Variants in HYDIN observed in about 807,000 individuals in gnomAD.
HYDIN encodes axonemal central pair apparatus protein HYDIN.
Under a neutral mutation model 403.9 loss-of-function variants are expected in HYDIN, and 132 were observed. The observed-to-expected ratio is 0.33, with a 90% CI of 0.28 to 0.38. HYDIN has a LOEUF of 0.38. Among genes scored for constraint, HYDIN ranks in the 10% least tolerant of loss-of-function variants. The pLI is 1.00. For missense variants in HYDIN, 2,827 were observed against 5,009.5 expected, an observed-to-expected ratio of 0.56 and a Z score of 13.15; for synonymous variants, 1,202 against 1,891.7, an observed-to-expected ratio of 0.64 and a Z score of 9.46.
At position 71,028,566 on chromosome 16, in the gene HYDIN, AT is replaced by A. The variant is rs61039757; in HGVS notation, c.2769-692del. 7.5e-3 allele frequency among the ~76,000 whole-genome samples: 1,097 copies of A among 146,976 alleles called. 3 individuals carry two copies. The highest frequency in any genetic ancestry group is 0.02 in the African/African-American group (791 of 40,494). ...TCAAATGTGTTTTTGTTTGTTTGGG[AT>A]TTTTTTTTTTCCCCACAGGCTTACT... On this transcript the variant is annotated intron_variant, in intron 19 of 85. Transcript: ENST00000393567.
At chr16:71,172,956 C>T (rs891122404) in intron 5 of HYDIN, among the ~76,000 whole-genome samples, 3 of 152,152 alleles carry the variant, frequency 2.0e-5, no homozygotes, top group Admixed American at 1.3e-4. Context: ...TGGAGCAGCC[C>T]GAAAGACAGC....
chr16:71,215,706 G>T (rs2088842634), intron 1 of HYDIN, among the ~76,000 whole-genome samples: 1 of 151,474 alleles, frequency 6.6e-6, no homozygotes, highest in Admixed American at 6.6e-5. Context: ...TCTCAAAATG[G>T]GAAAAGGTAC....
intron 19 of HYDIN, among the ~76,000 whole-genome samples, chr16:71,028,229 A>G (rs1445366283): frequency 1.3e-5 from 2 of 152,108 alleles, no homozygotes; most frequent in African/African-American, 4.8e-5. Context: ...GCGAGTTTCA[A>G]GCTGTGCTGA....
intron 9 of HYDIN, among the ~76,000 whole-genome samples, chr16:71,125,807 C>G (rs1407491699): frequency 2.0e-5 from 3 of 152,306 alleles, no homozygotes; most frequent in African/African-American, 4.8e-5. Context: ...CCATTTCCTT[C>G]CTTTCTGACC....
At chr16:71,136,844 T>C (rs1189773286) in intron 8 of HYDIN, among the ~76,000 whole-genome samples, 17 of 143,198 alleles carry the variant, frequency 1.2e-4, no homozygotes, top group Non-Finnish European at 2.6e-4. Context: ...TAGAGACAGG[T>C]AGACTTGTTT....
intron 23 of HYDIN, among the ~76,000 whole-genome samples, chr16:70,999,016 T>C (rs1488310265): frequency 6.6e-6 from 1 of 152,208 alleles, no homozygotes; most frequent in African/African-American, 2.4e-5. Flanking sequence ...CACAGAATAC[T>C]TCCAACTGGT....
chr16:70,837,631 A>G (rs1471800829), intron 77 of HYDIN, 59 bp downstream of exon 77: 70 of 1,599,550 alleles, frequency 4.4e-5, no homozygotes, highest in Non-Finnish European at 3.2e-5. Context: ...GGGGCAAAGA[A>G]GGATGAGAAG....
intron 76 of HYDIN, 46 bp from the exon 77 acceptor site, chr16:70,837,934 C>A: frequency 6.3e-7 from 1 of 1,575,962 alleles, no homozygotes; most frequent in South Asian, 1.1e-5. Context: ...AGAAGTCTGA[C>A]CCAGAGGGGC....
chr16:70,840,588 A>G (rs1324552301), intron 75 of HYDIN, among the ~76,000 whole-genome samples: 2 of 152,190 alleles, frequency 1.3e-5, no homozygotes, highest in African/African-American at 2.4e-5. Flanking sequence ...TTCATTTTAC[A>G]CCTTCCTTTG....
At chr16:71,221,378 A>C (rs2089192281) in intron 1 of HYDIN, among the ~76,000 whole-genome samples, 1 of 152,198 alleles carries the variant, frequency 6.6e-6, no homozygotes, top group Non-Finnish European at 1.5e-5. Context: ...CTTTAAAATA[A>C]GCCTGGACAG....
intron 9 of HYDIN, among the ~76,000 whole-genome samples, chr16:71,119,557 G>A (rs1158502757): frequency 7.0e-6 from 1 of 142,140 alleles, no homozygotes; most frequent in East Asian, 2.1e-4. Flanking sequence ...ATAAAGGAAG[G>A]ACAAACCCTA....
intron 19 of HYDIN, among the ~76,000 whole-genome samples, chr16:71,029,119 T>C (rs6499397): frequency 2.6e-5 from 4 of 152,236 alleles, no homozygotes; most frequent in African/African-American, 9.6e-5. Flanking sequence ...TTAGAGCAGA[T>C]GTTGGCAAAC....
chr16:70,995,394 G>A (rs1236946104), intron 23 of HYDIN, among the ~76,000 whole-genome samples: 2 of 152,146 alleles, frequency 1.3e-5, no homozygotes, highest in Non-Finnish European at 2.9e-5. Flanking sequence ...GGAAAGAAAT[G>A]TTCCCTGTAG....
chr16:70,960,679 G>A (rs977951814), intron 38 of HYDIN, among the ~76,000 whole-genome samples: 1 of 152,064 alleles, frequency 6.6e-6, no homozygotes, highest in African/African-American at 2.4e-5. Flanking sequence ...TTAAATACAG[G>A]TCTAGCTCAT....
chr16:70,846,985 A>G (rs1392434454), intron 75 of HYDIN, among the ~76,000 whole-genome samples: 2 of 138,390 alleles, frequency 1.4e-5, no homozygotes, highest in Non-Finnish European at 3.1e-5. Context: ...ATGGGTCTTG[A>G]CTCTTTATCC....
chr16:71,030,379 A>G (rs1334630894), intron 19 of HYDIN, among the ~76,000 whole-genome samples: 3 of 151,480 alleles, frequency 2.0e-5, no homozygotes, highest in African/African-American at 4.9e-5. Flanking sequence ...ATGTGTGTGT[A>G]TACATATATA....
chr16:71,126,654 C>T (rs957387635), intron 9 of HYDIN, among the ~76,000 whole-genome samples: 1 of 152,190 alleles, frequency 6.6e-6, no homozygotes, highest in Non-Finnish European at 1.5e-5. Flanking sequence ...CAGGAGGGGG[C>T]TGGGGGTAGG....
intron 23 of HYDIN, among the ~76,000 whole-genome samples, chr16:70,997,994 T>C (rs1173040332): frequency 6.6e-6 from 1 of 151,932 alleles, no homozygotes; most frequent in Non-Finnish European, 1.5e-5. Flanking sequence ...CTTCAGGCCT[T>C]GCATCTGGGC....
intron 45 of HYDIN, among the ~76,000 whole-genome samples, chr16:70,923,092 C>T (rs1162005860): frequency 1.3e-5 from 2 of 150,736 alleles, no homozygotes; most frequent in Non-Finnish European, 3.0e-5. Flanking sequence ...TCATAAATTG[C>T]AAAAGAAAAA....
Sources: gnomAD v4.1 joint callset for allele counts (sites outside exome capture counted in the v4.1 genomes callset) on GRCh38, gnomAD v4.1.1 for gene constraint, MANE v1.5 for transcripts, NCBI Gene and HGNC (gene_info 2026-07-23, HGNC 2026-07-21) for gene names.